The following CNTN6 variants were observed in gnomAD, a reference collection of about 807,000 sequenced individuals.
CNTN6 encodes contactin-6.
A neutral mutation model predicts 122.8 loss-of-function variants in CNTN6; 137 were observed. That is an observed-to-expected ratio of 1.12 (90% CI 0.97 to 1.29). CNTN6 has a LOEUF of 1.29. Ranked by LOEUF, CNTN6 falls within the 50% of genes most tolerant of loss-of-function variation. CNTN6 has a pLI of 0.00. For synonymous variants in CNTN6, 570 were observed against 426.0 expected (o/e 1.34, Z -4.16); for missense variants, 1,634 against 1,223.4 (o/e 1.34, Z -5.01).
chr3:1,158,861 T>TGTGTGTATATATATGTATATATAC (rs1559422392), intron 2 of CNTN6, among the ~76,000 whole-genome samples: 93 of 100,512 alleles, frequency 9.3e-4, no homozygotes, highest in African/African-American at 4.4e-3. Context: ...TACATATATA[T>TGTGTGTATATATATGTATATATAC]ACACACATAT....
chr3:1,221,901 G>T (rs1024031599), intron 3 of CNTN6, among the ~76,000 whole-genome samples: 1 of 152,034 alleles, frequency 6.6e-6, no homozygotes, highest in Non-Finnish European at 1.5e-5. Context: ...GTGTATTTTG[G>T]CAAAATAAGC....
At chr3:1,196,890 C>T (rs564138074) in intron 2 of CNTN6, among the ~76,000 whole-genome samples, 1 of 152,150 alleles carries the variant, frequency 6.6e-6, no homozygotes, top group South Asian at 2.1e-4. Context: ...AACTTTCTGC[C>T]CAGCCTAGCG....
intron 17 of CNTN6, among the ~76,000 whole-genome samples, chr3:1,380,758 G>A (rs1262132843): frequency 6.6e-6 from 1 of 152,110 alleles, no homozygotes; most frequent in African/African-American, 2.4e-5. Context: ...TCAAAACCAG[G>A]CTGCATGCCA....
intron 2 of CNTN6, among the ~76,000 whole-genome samples, chr3:1,169,865 C>T (rs1291525916): frequency 6.6e-6 from 1 of 152,130 alleles, no homozygotes; most frequent in South Asian, 2.1e-4. Context: ...AAATATTTAG[C>T]TCTATTGTGT....
intron 17 of CNTN6, 32 bp from the exon 18 acceptor site, chr3:1,382,910 A>G (rs778464686): frequency 1.4e-6 from 2 of 1,466,148 alleles, no homozygotes; most frequent in East Asian, 4.5e-5. Context: ...TATTTTTGCA[A>G]ATACTCAGTG....
At chr3:1,187,208 C>G (rs531717252) in intron 2 of CNTN6, among the ~76,000 whole-genome samples, 4 of 151,488 alleles carry the variant, frequency 2.6e-5, no homozygotes, top group African/African-American at 9.7e-5. Flanking sequence ...GCAAGCAACT[C>G]AAAAAAAACT....
chr3:1,287,304 T>A (rs1008658476), intron 5 of CNTN6, among the ~76,000 whole-genome samples: 4 of 152,186 alleles, frequency 2.6e-5, no homozygotes, highest in Admixed American at 2.6e-4. Flanking sequence ...GGCTTTTACT[T>A]ACTAGATGCC....
chr3:1,293,547 C>T (rs1170205545), intron 5 of CNTN6, among the ~76,000 whole-genome samples: 2 of 152,104 alleles, frequency 1.3e-5, no homozygotes, highest in East Asian at 1.9e-4. Flanking sequence ...TAATTAGCTT[C>T]TTTTGTCTCT....
At chr3:1,116,902 G>A (rs138983480) in intron 1 of CNTN6, among the ~76,000 whole-genome samples, 1 of 151,786 alleles carries the variant, frequency 6.6e-6, no homozygotes, top group African/African-American at 2.4e-5. Context: ...ACAAGGTTTC[G>A]CCATGTTGGC....
At position 1,236,623 on chromosome 3, in the gene CNTN6, C is replaced by T. The variant is rs542627304; in HGVS notation, c.358+8630C>T. Among the ~76,000 whole-genome samples the T allele has an allele frequency of 1.4e-4, 22 of 152,134 alleles. No individual in the cohort carries two copies. In the East Asian group the frequency reaches 3.3e-3, roughly 23 times the overall value. ...GATATTCCCTCTGACATAATGTACC[C>T]GAATGAGAAGAAACCAGAGAGACAA... On this transcript the variant is annotated intron_variant, in intron 4 of 22. Transcript: ENST00000446702.
At chr3:1,210,914 T>G (rs894363938) in intron 2 of CNTN6, among the ~76,000 whole-genome samples, 1 of 152,226 alleles carries the variant, frequency 6.6e-6, no homozygotes, top group African/African-American at 2.4e-5. Context: ...ACTTTCCTTT[T>G]GGGCATGGGA....
At chr3:1,288,150 T>C (rs1559717853) in intron 5 of CNTN6, among the ~76,000 whole-genome samples, 1 of 152,282 alleles carries the variant, frequency 6.6e-6, no homozygotes, top group South Asian at 2.1e-4. Context: ...TCTATAGTTA[T>C]TTGGAACTTA....
intron 2 of CNTN6, among the ~76,000 whole-genome samples, chr3:1,213,972 A>G (rs2094087812): frequency 1.3e-5 from 2 of 152,122 alleles, no homozygotes; most frequent in South Asian, 4.1e-4. Context: ...GAAAGATGAT[A>G]CTAGCGCTCA....
chr3:1,393,013 TC>T (rs1353783480), intron 20 of CNTN6, among the ~76,000 whole-genome samples: 8 of 61,806 alleles, frequency 1.3e-4, no homozygotes, highest in African/African-American at 5.0e-4. Context: ...TCCTCAGGGA[TC>T]TAGAACTAGA....
chr3:1,113,204 C>A (rs2091563282), intron 1 of CNTN6, among the ~76,000 whole-genome samples: 2 of 152,096 alleles, frequency 1.3e-5, no homozygotes, highest in African/African-American at 4.8e-5. Flanking sequence ...CTAAAGAGGC[C>A]AGGGACTTTT....
intron 5 of CNTN6, among the ~76,000 whole-genome samples, chr3:1,280,172 G>C (rs1693119652): frequency 6.6e-6 from 1 of 151,946 alleles, no homozygotes. Flanking sequence ...GTTTAATCGG[G>C]AATAAAAGAA....
intron 2 of CNTN6, among the ~76,000 whole-genome samples, chr3:1,174,828 A>G (rs902679512): frequency 6.6e-6 from 1 of 152,194 alleles, no homozygotes; most frequent in African/African-American, 2.4e-5. Flanking sequence ...ACATTGCCCC[A>G]ATCCTTAAAA....
chr3:1,400,733 G>T (rs1240712717), intron 20 of CNTN6, among the ~76,000 whole-genome samples: 4 of 152,092 alleles, frequency 2.6e-5, no homozygotes, highest in Non-Finnish European at 4.4e-5. Flanking sequence ...CTGAACAGAG[G>T]AGGTTTTAAG....
At chr3:1,332,311 T>C (rs1702402167) in intron 11 of CNTN6, among the ~76,000 whole-genome samples, 1 of 151,964 alleles carries the variant, frequency 6.6e-6, no homozygotes, top group Non-Finnish European at 1.5e-5. Flanking sequence ...CTTTCTTCTG[T>C]TGCCATCTGA....
Sources: gnomAD v4.1 joint callset for allele counts (sites outside exome capture counted in the v4.1 genomes callset) on GRCh38, gnomAD v4.1.1 for gene constraint, MANE v1.5 for transcripts, NCBI Gene and HGNC (gene_info 2026-07-23, HGNC 2026-07-21) for gene names.